DNASE1: variants seen among roughly 807,000 people sequenced by gnomAD.
DNASE1 encodes deoxyribonuclease-1.
DNASE1 carries 40 observed loss-of-function variants against 33.9 expected under a neutral mutation model. The ratio of observed to expected loss-of-function variants is 1.18; its 90% confidence interval spans 0.92 to 1.54. DNASE1 has a LOEUF of 1.54. DNASE1 is among the 40% of genes most tolerant of loss of function. The pLI, the probability that DNASE1 is intolerant of heterozygous loss-of-function variation, is 0.00. For missense variants in DNASE1, 518 were observed against 372.6 expected (o/e 1.39, Z -3.21); for synonymous variants, 216 against 160.0 (o/e 1.35, Z -2.64).
At chr16:3,620,867 G>C (rs1259997737) in intron 1 of DNASE1, among the ~76,000 whole-genome samples, 1 of 151,802 alleles carries the variant, frequency 6.6e-6, no homozygotes, top group African/African-American at 2.4e-5. Flanking sequence ...GTGGCGCAAT[G>C]CCGGCTCACT....
chr16:3,637,508 AG>A (rs2041904855), intron 1 of DNASE1, among the ~76,000 whole-genome samples: 1 of 152,068 alleles, frequency 6.6e-6, no homozygotes. Context: ...AGGAAGGGAG[AG>A]GGGGCTGGAG....
Position 3,656,178 on chromosome 16 carries a change from G to A in DNASE1, c.313G>A (p.Val105Met), listed in dbSNP as rs772877991. The A allele has an allele frequency of 9.9e-6, 16 of 1,613,876 alleles. No homozygotes were observed. The highest frequency in any genetic ancestry group is 1.3e-5 in the African/African-American group (1 of 74,926). The change falls in exon 4 of 9, where the codon GTG becomes ATG. Residue 105 changes from valine to methionine, a missense_variant. By Grantham distance (21) the Val-to-Met change is conservative (BLOSUM62 1). Transcript: ENST00000246949. The stretch of plus-strand genomic sequence containing the variant: ...CAGCTATAAGGAGCGCTACCTGTTC[G>A]TGTACAGGTGGGTGGTCTAGAAAGC... ...RNSYKERYLF[V>M]YRPDQVSAVD...
At chr16:3,615,983 G>C (rs890924630) in intron 1 of DNASE1, among the ~76,000 whole-genome samples, 4 of 152,156 alleles carry the variant, frequency 2.6e-5, no homozygotes, top group African/African-American at 9.7e-5. Context: ...ATTGAACAAG[G>C]AAAGAATTGT....
At chr16:3,640,388 C>T (rs79865459), upstream of DNASE1, among the ~76,000 whole-genome samples, 171 of 152,324 alleles carry the variant, frequency 1.1e-3, no homozygotes, top group African/African-American at 4.0e-3. Context: ...CTTCCCAACT[C>T]AGAAAGACTG....
rs149163924 is a variant in DNASE1 at position 3,634,712 on chromosome 16, G to A, written c.-1358-6003G>A. On this transcript the variant is annotated intron_variant and NMD_transcript_variant, in intron 1 of 11. Coordinates refer to the DNASE1 transcript ENST00000570769. ...TAATTTCTAGTAGAGACAGGGTCTC[G>A]CTATGTTGCCCAGGCTGATCTTGAA... Among the ~76,000 whole-genome samples the A allele has an allele frequency of 1.7e-3, 260 of 151,214 alleles. 7 individuals carry two copies. The East Asian group carries it at 0.046, about 27-fold the overall frequency.
At chr16:3,658,967 ACTGT>A (rs576945253), downstream of DNASE1, 2 of 1,191,510 alleles carry the variant, frequency 1.7e-6, no homozygotes, top group African/African-American at 1.5e-5. Context: ...GCACAGTAAG[ACTGT>A]CTGTAGTTTT....
intron 1 of DNASE1, among the ~76,000 whole-genome samples, chr16:3,615,107 G>A (rs1388433121): frequency 6.6e-6 from 1 of 151,844 alleles, no homozygotes. Context: ...ACTACTCTTA[G>A]GCCTACTGAA....
In DNASE1 at chr16:3,656,687, G is replaced by C; in HGVS notation, c.370G>C (p.Glu124Gln). The change falls in exon 5 of 9, where the codon GAG (glutamate) becomes CAG (glutamine). Residue 124 changes from glutamate (E) to glutamine (Q), a missense_variant. By Grantham distance (29) the Glu-to-Gln change is conservative. Transcript: ENST00000246949. ...VDSYYYDDGC[E>Q]PCGNDTFNRE... Reference sequence around the variant, plus strand: ...CAGCTACTACTACGATGATGGCTGCGAGCCCTGCGGGAACGACACCTTCAA... The same window carrying C: ...CAGCTACTACTACGATGATGGCTGCCAGCCCTGCGGGAACGACACCTTCAA... 1 of 1,613,334 alleles carries C rather than the reference G, an allele frequency of 6.2e-7. No individual in the cohort carries two copies.
Position 3,618,905 on chromosome 16 carries a change from C to G in DNASE1, c.-1359+6899C>G, listed in dbSNP as rs112772177. On this transcript the variant is annotated intron_variant and NMD_transcript_variant, in intron 1 of 11. Coordinates refer to the DNASE1 transcript ENST00000570769. ...AGGTCTCATTTCTGTTGCCCAGGCT[C>G]GAGTACAGTGGCACAATCATGACTC... 9.9e-3 allele frequency among the ~76,000 whole-genome samples: 1,500 copies of G among 151,818 alleles called. 24 individuals carry two copies. Among genetic ancestry groups the G allele is most frequent in the African/African-American group, 0.035 (1,437 of 41,386 alleles).
upstream of DNASE1, chr16:3,654,365 C>G (rs1203323529): frequency 1.0e-5 from 4 of 398,844 alleles, no homozygotes; most frequent in Admixed American, 8.8e-5. Flanking sequence ...GCTCCCCAGC[C>G]TCCTGCAGAG....
chr16:3,651,115 G>A (rs540737171), upstream of DNASE1: 1 of 152,300 alleles, frequency 6.6e-6, no homozygotes, highest in East Asian at 1.9e-4. Context: ...TGGCCTGCAC[G>A]TCGCTGGGTC....
At chr16:3,652,670 G>A (rs990615256), upstream of DNASE1, 28 of 152,336 alleles carry the variant, frequency 1.8e-4, no homozygotes, top group Admixed American at 1.4e-3. Flanking sequence ...GCGTCTGTTG[G>A]CGTGTCTTTA....
upstream of DNASE1, among the ~76,000 whole-genome samples, chr16:3,638,464 A>C (rs2041938537): frequency 6.6e-6 from 1 of 152,102 alleles, no homozygotes; most frequent in African/African-American, 2.4e-5. Flanking sequence ...CAGCCTCCCG[A>C]GTAGCTGGGA....
Position 3,655,788 on chromosome 16 carries a change from G to GC in DNASE1, c.148-60dup, listed in dbSNP as rs1214792225. On this transcript the variant is annotated intron_variant, in intron 2 of 8. Coordinates refer to ENST00000246949, the MANE Select transcript of DNASE1 (RefSeq NM_005223.4). ...AGCATCAGCTGTGGCTCCCTTTGTGGCGCTGTAGGGTCCCTGGGTGGCACC... is the reference window on the plus strand; with the variant it reads ...AGCATCAGCTGTGGCTCCCTTTGTGGCCGCTGTAGGGTCCCTGGGTGGCACC... 6 of 1,593,892 alleles carry GC rather than the reference G, an allele frequency of 3.8e-6. No homozygotes were observed. In the Admixed American group the frequency reaches 5.0e-5, roughly 13 times the overall value.
At chr16:3,662,013 C>CAGGAGCTGT, downstream of DNASE1, 2 of 1,611,232 alleles carry the variant, frequency 1.2e-6, no homozygotes, top group Non-Finnish European at 1.7e-6. Flanking sequence ...GCGTGGGCTG[C>CAGGAGCTGT]AGGAGCTGTG....
intron 1 of DNASE1, among the ~76,000 whole-genome samples, chr16:3,619,659 C>T (rs1445706544): frequency 6.6e-6 from 1 of 151,944 alleles, no homozygotes; most frequent in African/African-American, 2.4e-5. Context: ...CTGTGCCTGG[C>T]CGCCTGTAGG....
At chr16:3,615,259 G>A (rs2041060532) in intron 1 of DNASE1, among the ~76,000 whole-genome samples, 2 of 152,176 alleles carry the variant, frequency 1.3e-5, no homozygotes, top group Admixed American at 1.3e-4. Context: ...CTGGGTCAGG[G>A]TGGTGCATGG....
At chr16:3,656,242 G>A in intron 4 of DNASE1, 57 bp downstream of exon 4, 2 of 1,552,260 alleles carry the variant, frequency 1.3e-6, no homozygotes, top group Non-Finnish European at 1.8e-6. Flanking sequence ...CCCCAACAGA[G>A]CAGGGAAGTA....
At chr16:3,644,365 C>G (rs1212445987) in intron 1 of DNASE1, among the ~76,000 whole-genome samples, 2 of 152,054 alleles carry the variant, frequency 1.3e-5, no homozygotes, top group Non-Finnish European at 2.9e-5. Context: ...GGGTCCAAGA[C>G]CAGCCTGGCC....
Sources: gnomAD v4.1 joint callset for allele counts (sites outside exome capture counted in the v4.1 genomes callset) on GRCh38, gnomAD v4.1.1 for gene constraint, MANE v1.5 for transcripts, NCBI Gene and HGNC (gene_info 2026-07-23, HGNC 2026-07-21) for gene names.